Variants in IL1RAPL2 observed in about 807,000 individuals in gnomAD.
IL1RAPL2 encodes the protein interleukin 1 receptor accessory protein like 2, also known as X-linked interleukin-1 receptor accessory protein-like 2.
A neutral mutation model predicts 44.1 loss-of-function variants in IL1RAPL2; 3 were observed. The ratio of observed to expected loss-of-function variants is 0.07; its 90% CI spans 0.03 to 0.18. The LOEUF is 0.18. Among genes scored for constraint, IL1RAPL2 ranks in the 10% least tolerant of loss-of-function variants. The probability of loss-of-function intolerance (pLI) is 1.00; values close to 1 mark genes in which losing one functional copy is unlikely to be tolerated. For missense variants in IL1RAPL2, 391 were observed against 496.4 expected, an observed-to-expected ratio of 0.79 and a Z score of 2.02; for synonymous variants, 181 against 178.8, an observed-to-expected ratio of 1.01 and a Z score of -0.10.
At chrX:104,910,759 A>G (rs980682642) in intron 2 of IL1RAPL2, among the ~76,000 whole-genome samples, 3 of 112,037 alleles carry the variant, frequency 2.7e-5, no homozygotes, top group Admixed American at 9.5e-5. Context: ...ATTCACGTGC[A>G]CACCTAATTC....
intron 2 of IL1RAPL2, among the ~76,000 whole-genome samples, chrX:105,156,854 C>A (rs1349185380): frequency 1.8e-5 from 2 of 111,258 alleles, no homozygotes; most frequent in Non-Finnish European, 3.8e-5. Context: ...TACAATTACA[C>A]GTTACCTTAA....
chrX:105,115,874 G>A (rs1325502478), intron 2 of IL1RAPL2, among the ~76,000 whole-genome samples: 5 of 113,018 alleles, frequency 4.4e-5, no homozygotes, highest in African/African-American at 9.6e-5. Context: ...GCATGGGGGC[G>A]CTGCAGGTCC....
chrX:104,746,786 G>A (rs1932182988), intron 2 of IL1RAPL2, among the ~76,000 whole-genome samples: 2 of 111,618 alleles, frequency 1.8e-5, no homozygotes, highest in Admixed American at 1.9e-4. Flanking sequence ...AGGACAGAGT[G>A]AGAAAGGGGG....
intron 2 of IL1RAPL2, among the ~76,000 whole-genome samples, chrX:104,782,961 A>C (rs1932781944): frequency 8.9e-6 from 1 of 112,006 alleles, no homozygotes; most frequent in Non-Finnish European, 1.9e-5. Flanking sequence ...AGAGTGTTCT[A>C]GGAGTAGTTA....
At chrX:104,763,817 A>G (rs1199712999) in intron 2 of IL1RAPL2, among the ~76,000 whole-genome samples, 2 of 111,188 alleles carry the variant, frequency 1.8e-5, no homozygotes, top group East Asian at 2.9e-4. Flanking sequence ...CCCTCCTCCC[A>G]TGACACGTGG....
intron 6 of IL1RAPL2, among the ~76,000 whole-genome samples, chrX:105,642,907 A>G (rs904117449): frequency 5.3e-5 from 6 of 113,006 alleles, no homozygotes; most frequent in African/African-American, 1.9e-4. Context: ...GCATGCTGCC[A>G]TCATATGCTT....
At chrX:105,314,773 A>G (rs1481369002) in intron 5 of IL1RAPL2, among the ~76,000 whole-genome samples, 9 of 111,625 alleles carry the variant, frequency 8.1e-5, no homozygotes, top group East Asian at 2.8e-4. Flanking sequence ...GCCTGTAGCA[A>G]CTGGGGTCAG....
intron 5 of IL1RAPL2, among the ~76,000 whole-genome samples, chrX:105,325,465 C>T (rs1307513681): frequency 1.9e-5 from 2 of 105,645 alleles, no homozygotes; most frequent in Non-Finnish European, 3.8e-5. Context: ...CTTTAGGGCT[C>T]TTATAAATAA....
At chrX:105,564,701 A>G (rs375139070) in intron 6 of IL1RAPL2, among the ~76,000 whole-genome samples, 4 of 111,917 alleles carry the variant, frequency 3.6e-5, no homozygotes, top group East Asian at 5.7e-4. Context: ...CTTGTCTTAC[A>G]CTGTAGCCTC....
At chrX:104,922,346 T>G (rs1381235194) in intron 2 of IL1RAPL2, among the ~76,000 whole-genome samples, 1 of 113,032 alleles carries the variant, frequency 8.8e-6, no homozygotes, top group Non-Finnish European at 1.9e-5. Context: ...AGCTGGTTCT[T>G]GCCTGCTATC....
chrX:105,724,252 G>A (rs927628079), intron 7 of IL1RAPL2, among the ~76,000 whole-genome samples: 5 of 111,515 alleles, frequency 4.5e-5, no homozygotes, highest in African/African-American at 1.6e-4. Flanking sequence ...CTGAGAGCTT[G>A]ATGAGATAAT....
chrX:105,343,976 T>C (rs1481072097), intron 5 of IL1RAPL2, among the ~76,000 whole-genome samples: 1 of 110,048 alleles, frequency 9.1e-6, no homozygotes, highest in African/African-American at 3.3e-5. Flanking sequence ...CTCACTGTAA[T>C]CTCCATCTCC....
chrX:104,772,858 A>C (rs906849638), intron 2 of IL1RAPL2, among the ~76,000 whole-genome samples: 15 of 111,926 alleles, frequency 1.3e-4, no homozygotes, highest in African/African-American at 4.9e-4. Context: ...TCACACATCC[A>C]TTATGAAGAC....
At chrX:104,883,984 G>A (rs1923152931) in intron 2 of IL1RAPL2, among the ~76,000 whole-genome samples, 1 of 112,044 alleles carries the variant, frequency 8.9e-6, no homozygotes, top group Non-Finnish European at 1.9e-5. Context: ...CATCTTTATA[G>A]GACAGGGGTA....
chrX:104,935,891 G>T (rs1004494794), intron 2 of IL1RAPL2, among the ~76,000 whole-genome samples: 4 of 111,114 alleles, frequency 3.6e-5, no homozygotes, highest in African/African-American at 1.3e-4. Context: ...CTAAATTTAG[G>T]TGTCCTTGGC....
intron 5 of IL1RAPL2, chrX:105,406,334 C>T (rs1301776202): frequency 3.8e-6 from 4 of 1,059,598 alleles, no homozygotes; most frequent in Non-Finnish European, 5.3e-6. Flanking sequence ...GAACTCCTTG[C>T]GTCATGGACA....
intron 2 of IL1RAPL2, among the ~76,000 whole-genome samples, chrX:104,843,352 G>A (rs1366317374): frequency 3.6e-5 from 4 of 111,267 alleles, no homozygotes; most frequent in East Asian, 2.9e-4. Context: ...CTGTGGGAGC[G>A]GGACCCACTG....
chrX:105,272,749 C>A (rs986860747), intron 5 of IL1RAPL2, among the ~76,000 whole-genome samples: 1 of 112,616 alleles, frequency 8.9e-6, no homozygotes, highest in Non-Finnish European at 1.9e-5. Context: ...TGTTCAAACG[C>A]ATGGCTTTAG....
At chrX:104,995,972 T>A (rs951067567) in intron 2 of IL1RAPL2, among the ~76,000 whole-genome samples, 1 of 112,080 alleles carries the variant, frequency 8.9e-6, no homozygotes. Flanking sequence ...CTTTTCAGAT[T>A]TTCTGAAATG....
Sources: allele counts gnomAD v4.1 joint callset (sites outside exome capture counted in the v4.1 genomes callset), GRCh38; gene constraint gnomAD v4.1.1; transcripts MANE v1.5; gene names NCBI Gene and HGNC (gene_info 2026-07-23, HGNC 2026-07-21).